Variants in ZEB1 observed in about 807,000 individuals in gnomAD.
ZEB1 encodes the protein zinc finger E-box-binding homeobox 1.
ZEB1 carries 21 observed loss-of-function variants against 84.9 expected under a neutral mutation model. The observed-to-expected ratio is 0.25, with a 90% CI of 0.18 to 0.36. The LOEUF is 0.36. Ranked by LOEUF, ZEB1 falls within the 10% of genes least tolerant of loss-of-function variation. The pLI is 1.00. For synonymous variants in ZEB1, 420 were observed against 471.1 expected, an observed-to-expected ratio of 0.89 and a Z score of 1.41; for missense variants, 1,104 against 1,330.2, an observed-to-expected ratio of 0.83 and a Z score of 2.65.
At chr10:31,336,835 G>A (rs1325268113) in intron 1 of ZEB1, among the ~76,000 whole-genome samples, 5 of 152,102 alleles carry the variant, frequency 3.3e-5, no homozygotes, top group Non-Finnish European at 7.4e-5. Flanking sequence ...TACTGCTGTT[G>A]GTATAGACAT....
intron 1 of ZEB1, among the ~76,000 whole-genome samples, chr10:31,449,952 G>T (rs187265196): frequency 6.6e-6 from 1 of 152,166 alleles, no homozygotes; most frequent in African/African-American, 2.4e-5. Flanking sequence ...TGAGACATTA[G>T]AAGAATATAT....
intron 1 of ZEB1, among the ~76,000 whole-genome samples, chr10:31,334,871 A>G (rs2037659332): frequency 6.6e-6 from 1 of 152,164 alleles, no homozygotes; most frequent in Admixed American, 6.5e-5. Flanking sequence ...TAAAACAAAA[A>G]GGAAAAATAT....
At chr10:31,355,139 C>G (rs768068017) in intron 1 of ZEB1, 1 of 151,744 alleles carries the variant, frequency 6.6e-6, no homozygotes, top group East Asian at 1.9e-4. Flanking sequence ...CTTTTTTTCT[C>G]TCAGCAGCTG....
chr10:31,429,683 TAAA>T (rs551407003), intron 1 of ZEB1, among the ~76,000 whole-genome samples: 2 of 88,444 alleles, frequency 2.3e-5, no homozygotes, highest in African/African-American at 8.8e-5. Flanking sequence ...ATTTAAAAGT[TAAA>T]AAAAAAAAAA....
chr10:31,319,973 G>C lies in ZEB1; in HGVS notation c.58+681G>C, dbSNP rs1307363542. The C allele has an allele frequency of 6.0e-5, 9 of 150,098 alleles. No individual in the cohort carries two copies. The East Asian group carries it at 1.6e-3, about 26-fold the overall frequency. The allele number at this position is 150,098 out of a possible 1,614,324, so 9.3% of individuals were successfully genotyped here. A position where few individuals can be genotyped will look rare whatever the true frequency, so the allele number is the denominator to read the frequency against. The stretch of plus-strand genomic sequence containing the variant: ...GTGTGCGCGGGCGCCGGCTGTGCGC[G>C]CCGCGGGCGGACAGGGTTCGGCCGG... On this transcript the variant is annotated intron_variant, in intron 1 of 8. Transcript: ENST00000424869.
At chr10:31,388,592 G>C (rs146315690) in intron 1 of ZEB1, among the ~76,000 whole-genome samples, 1 of 152,106 alleles carries the variant, frequency 6.6e-6, no homozygotes, top group Non-Finnish European at 1.5e-5. Flanking sequence ...TGGTCGAGGA[G>C]TTAGAACTAG....
At chr10:31,383,115 A>G (rs2047990035) in intron 1 of ZEB1, among the ~76,000 whole-genome samples, 1 of 151,814 alleles carries the variant, frequency 6.6e-6, no homozygotes, top group African/African-American at 2.4e-5. Flanking sequence ...TAAAATGCCC[A>G]GCTTAAAAAC....
intron 1 of ZEB1, among the ~76,000 whole-genome samples, chr10:31,450,335 T>G (rs191678287): frequency 6.6e-6 from 1 of 152,146 alleles, no homozygotes; most frequent in African/African-American, 2.4e-5. Context: ...GTAATAGAAT[T>G]TTTTCCTCTT....
At position 31,319,371 on chromosome 10, in the gene ZEB1, C is replaced by T; in HGVS notation, c.58+79C>T. The T allele has an allele frequency of 3.5e-6, 5 of 1,448,814 alleles. No homozygotes were observed. The South Asian group carries it at 3.6e-5, about 10-fold the overall frequency. The allele number at this position is 1,448,814 out of a possible 1,614,324, so 89.7% of individuals were successfully genotyped here. ...GGGGCGCCCCCGGGGGTGAGGGGGG[C>T]GAGCCGGGCTGGGGGCAGCCGGGGC... On this transcript the variant is annotated intron_variant, in intron 1 of 8. Transcript: ENST00000424869.
At chr10:31,435,708 G>A (rs2058213900) in intron 1 of ZEB1, among the ~76,000 whole-genome samples, 1 of 152,194 alleles carries the variant, frequency 6.6e-6, no homozygotes, top group Non-Finnish European at 1.5e-5. Context: ...AGAATGAATA[G>A]AATAGTGGAA....
chr10:31,380,318 T>G (rs2047399405), intron 1 of ZEB1, among the ~76,000 whole-genome samples: 1 of 152,204 alleles, frequency 6.6e-6, no homozygotes, highest in African/African-American at 2.4e-5. Flanking sequence ...AACTAAAAGT[T>G]GGCTTGAAAG....
At chr10:31,390,488 T>C (rs866736901) in intron 1 of ZEB1, among the ~76,000 whole-genome samples, 8 of 152,270 alleles carry the variant, frequency 5.3e-5, no homozygotes, top group Non-Finnish European at 7.4e-5. Context: ...CATTAAGATA[T>C]AAGGTTTACG....
chr10:31,381,350 C>G (rs2047594458), intron 1 of ZEB1, among the ~76,000 whole-genome samples: 1 of 151,926 alleles, frequency 6.6e-6, no homozygotes, highest in Non-Finnish European at 1.5e-5. Flanking sequence ...GGAAAATATC[C>G]CATTCAGAAT....
intron 1 of ZEB1, among the ~76,000 whole-genome samples, chr10:31,388,186 A>G (rs1312102426): frequency 6.6e-6 from 1 of 152,190 alleles, no homozygotes; most frequent in Non-Finnish European, 1.5e-5. Flanking sequence ...TACTTTGAAT[A>G]ACAAGAGACT....
At position 31,364,827 on chromosome 10, in the gene ZEB1, AT is replaced by A. The variant is rs2044152457; in HGVS notation, c.58+45541del. On this transcript the variant is annotated intron_variant, in intron 1 of 8. Coordinates refer to ENST00000424869, the MANE Select transcript of ZEB1 (RefSeq NM_001174096.2). ...GATCATGGATACAGCATCTATTCTT[AT>A]TTTTTCATGTAGTCCTGGGGTACTT... Among the ~76,000 whole-genome samples, 6 of 152,138 alleles carry A rather than the reference AT, an allele frequency of 3.9e-5. No individual in the cohort carries two copies. The South Asian group carries it at 1.2e-3, about 32-fold the overall frequency.
chr10:31,368,123 T>C (rs974243766), intron 1 of ZEB1, among the ~76,000 whole-genome samples: 1 of 152,094 alleles, frequency 6.6e-6, no homozygotes, highest in Non-Finnish European at 1.5e-5. Context: ...AGTATTTGCA[T>C]GTAAGCTATG....
intron 1 of ZEB1, among the ~76,000 whole-genome samples, chr10:31,395,115 C>T (rs2050457410): frequency 6.6e-6 from 1 of 152,182 alleles, no homozygotes; most frequent in Non-Finnish European, 1.5e-5. Flanking sequence ...TGAAACATTG[C>T]ATAGATCTGC....
chr10:31,348,005 A>G (rs2040618425), intron 1 of ZEB1, among the ~76,000 whole-genome samples: 1 of 152,234 alleles, frequency 6.6e-6, no homozygotes, highest in Non-Finnish European at 1.5e-5. Context: ...GCTGTGCCAC[A>G]TACTAGTTGT....
chr10:31,395,597 G>A (rs968211259), intron 1 of ZEB1, among the ~76,000 whole-genome samples: 1 of 152,172 alleles, frequency 6.6e-6, no homozygotes, highest in African/African-American at 2.4e-5. Flanking sequence ...ATAGGGATGA[G>A]GTCTGACCTG....
Sources: allele counts gnomAD v4.1 joint callset (sites outside exome capture counted in the v4.1 genomes callset), GRCh38; gene constraint gnomAD v4.1.1; transcripts MANE v1.5; gene names NCBI Gene and HGNC (gene_info 2026-07-23, HGNC 2026-07-21).